Variants in SGCZ observed in about 807,000 individuals in gnomAD.
SGCZ encodes the protein sarcoglycan zeta, also known as zeta-sarcoglycan.
In SGCZ, 40 loss-of-function variants were observed where a neutral mutation model predicts 41.3. The observed-to-expected ratio is 0.97, with a 90% CI of 0.75 to 1.26. SGCZ has a LOEUF of 1.26. Among genes scored for constraint, SGCZ ranks in the 50% most tolerant of loss-of-function variants. The probability of loss-of-function intolerance (pLI) is 0.00; values close to 1 mark genes in which losing one functional copy is unlikely to be tolerated. For missense variants in SGCZ, 552 were observed against 369.8 expected, an observed-to-expected ratio of 1.49 and a Z score of -4.04; for synonymous variants, 206 against 137.5, an observed-to-expected ratio of 1.50 and a Z score of -3.49.
chr8:14,588,718 G>A (rs1321404488), intron 1 of SGCZ, among the ~76,000 whole-genome samples: 2 of 152,230 alleles, frequency 1.3e-5, no homozygotes, highest in Non-Finnish European at 2.9e-5. Context: ...TAACTGCCTT[G>A]TAAAATAATT....
chr8:14,141,347 C>G (rs1284261430), intron 5 of SGCZ, among the ~76,000 whole-genome samples: 1 of 152,132 alleles, frequency 6.6e-6, no homozygotes, highest in Admixed American at 6.5e-5. Flanking sequence ...AGCTTCTGCA[C>G]AGCAAAAGAA....
chr8:14,173,140 T>C (rs961048840), intron 4 of SGCZ, among the ~76,000 whole-genome samples: 5 of 151,534 alleles, frequency 3.3e-5, no homozygotes, highest in Non-Finnish European at 5.9e-5. Context: ...CAAGCTGATA[T>C]GCTAATAAAC....
chr8:14,496,513 A>G (rs927883994), intron 2 of SGCZ, among the ~76,000 whole-genome samples: 1 of 152,172 alleles, frequency 6.6e-6, no homozygotes, highest in Non-Finnish European at 1.5e-5. Context: ...CCATTCTTTC[A>G]TCAAACTATC....
chr8:14,125,709 C>T (rs1446011331), intron 5 of SGCZ, among the ~76,000 whole-genome samples: 1 of 152,114 alleles, frequency 6.6e-6, no homozygotes, highest in Non-Finnish European at 1.5e-5. Context: ...GGAGGCATCA[C>T]ACTACCTGAT....
At chr8:14,555,865 T>C (rs1322903465) in intron 1 of SGCZ, among the ~76,000 whole-genome samples, 1 of 152,100 alleles carries the variant, frequency 6.6e-6, no homozygotes, top group Non-Finnish European at 1.5e-5. Flanking sequence ...TTAAGTTTTA[T>C]TCAGAATTAT....
intron 4 of SGCZ, among the ~76,000 whole-genome samples, chr8:14,207,667 G>A (rs1393440951): frequency 2.0e-5 from 3 of 151,990 alleles, no homozygotes; most frequent in Non-Finnish European, 4.4e-5. Flanking sequence ...ATGAAAACTA[G>A]AGGACAAAGT....
intron 2 of SGCZ, among the ~76,000 whole-genome samples, chr8:14,329,603 C>G (rs535731585): frequency 6.8e-6 from 1 of 146,416 alleles, no homozygotes. Flanking sequence ...GCTCAAAAGC[C>G]CAAAGTGTCA....
At chr8:14,135,183 T>C (rs550934959) in intron 5 of SGCZ, among the ~76,000 whole-genome samples, 6 of 152,340 alleles carry the variant, frequency 3.9e-5, no homozygotes, top group East Asian at 1.9e-4. Flanking sequence ...ACTAGGCATA[T>C]AGTGGGTATT....
At chr8:14,102,076 TTATATATA>T (rs55667194) in intron 7 of SGCZ, among the ~76,000 whole-genome samples, 21 of 119,908 alleles carry the variant, frequency 1.8e-4, no homozygotes, top group African/African-American at 4.1e-4. Context: ...TTGGCTAACT[TTATATATA>T]TATATATATA....
intron 1 of SGCZ, among the ~76,000 whole-genome samples, chr8:14,818,963 A>T (rs2130561552): frequency 6.6e-6 from 1 of 152,202 alleles, no homozygotes; most frequent in Non-Finnish European, 1.5e-5. Flanking sequence ...GAAGAGATAG[A>T]AAAAAGAACA....
At chr8:14,749,554 C>G (rs778815382) in intron 1 of SGCZ, among the ~76,000 whole-genome samples, 1 of 151,964 alleles carries the variant, frequency 6.6e-6, no homozygotes, top group Non-Finnish European at 1.5e-5. Context: ...TACTGCAGTA[C>G]CAAATATTTG....
chr8:14,571,678 T>G (rs1053496528), intron 1 of SGCZ, among the ~76,000 whole-genome samples: 2 of 152,220 alleles, frequency 1.3e-5, no homozygotes, highest in Non-Finnish European at 2.9e-5. Flanking sequence ...GTCTTCTGCC[T>G]AATGATCTGA....
At chr8:14,716,951 A>G (rs1375310021) in intron 1 of SGCZ, among the ~76,000 whole-genome samples, 1 of 152,094 alleles carries the variant, frequency 6.6e-6, no homozygotes, top group Non-Finnish European at 1.5e-5. Context: ...TCTTATTAAT[A>G]ATACATGAGA....
chr8:15,018,328 G>C (rs911742426), intron 1 of SGCZ, among the ~76,000 whole-genome samples: 2 of 152,176 alleles, frequency 1.3e-5, no homozygotes, highest in Non-Finnish European at 2.9e-5. Flanking sequence ...GATAAAATAA[G>C]CACTGAGTGA....
intron 1 of SGCZ, among the ~76,000 whole-genome samples, chr8:14,575,649 G>T (rs1029036763): frequency 6.6e-6 from 1 of 152,122 alleles, no homozygotes; most frequent in Non-Finnish European, 1.5e-5. Context: ...GTGTACGCCT[G>T]TAATCCTGGC....
At chr8:14,493,741 C>T (rs756046700) in intron 2 of SGCZ, among the ~76,000 whole-genome samples, 3 of 151,968 alleles carry the variant, frequency 2.0e-5, no homozygotes, top group African/African-American at 7.3e-5. Flanking sequence ...CCAAGGGAAG[C>T]CTTACCTGGA....
intron 1 of SGCZ, among the ~76,000 whole-genome samples, chr8:15,199,715 T>A (rs181723487): frequency 3.2e-4 from 49 of 152,290 alleles, no homozygotes; most frequent in Non-Finnish European, 6.0e-4. Context: ...GTAATTACAA[T>A]ATAAACTATT....
chr8:14,402,482 G>A (rs983636970), intron 2 of SGCZ, among the ~76,000 whole-genome samples: 3 of 151,138 alleles, frequency 2.0e-5, no homozygotes, highest in Non-Finnish European at 4.4e-5. Context: ...GTAAGGAAGG[G>A]ATCCAGTTTC....
chr8:14,135,145 T>C (rs1803158028), intron 5 of SGCZ, among the ~76,000 whole-genome samples: 1 of 152,220 alleles, frequency 6.6e-6, no homozygotes, highest in Non-Finnish European at 1.5e-5. Context: ...TTACGCTTTC[T>C]ACTGTGTTTC....
Sources: gnomAD v4.1 joint callset for allele counts (sites outside exome capture counted in the v4.1 genomes callset) on GRCh38, gnomAD v4.1.1 for gene constraint, MANE v1.5 for transcripts, NCBI Gene and HGNC (gene_info 2026-07-23, HGNC 2026-07-21) for gene names.